SEMA5A: variants seen among roughly 807,000 people sequenced by gnomAD.
SEMA5A encodes semaphorin-5A.
A neutral mutation model predicts 135.5 loss-of-function variants in SEMA5A; 55 were observed. The ratio of observed to expected loss-of-function variants is 0.41; its 90% CI spans 0.33 to 0.51. The LOEUF is 0.51. SEMA5A is among the 20% of genes least tolerant of loss of function. SEMA5A has a pLI of 0.37. For missense variants in SEMA5A, 1,290 were observed against 1,419.9 expected (o/e 0.91, Z 1.47); for synonymous variants, 580 against 546.5 (o/e 1.06, Z -0.85).
chr5:9,393,982 G>A lies in SEMA5A; in HGVS notation c.-77-13959C>T, dbSNP rs535371701. Among the ~76,000 whole-genome samples, 179 of 152,126 alleles carry A rather than the reference G, an allele frequency of 1.2e-3. 1 individual carries two copies. Among genetic ancestry groups the A allele is most frequent in the Non-Finnish European group, 1.9e-3 (126 of 67,984 alleles). On this transcript the variant is annotated intron_variant, in intron 2 of 22. Transcript: ENST00000382496. Reference sequence around the variant, plus strand: ...CAAAGTAAATATTAGAAATAAGAACGTTGAGAGAAAAAAGAATAATATAGT... The same window carrying A: ...CAAAGTAAATATTAGAAATAAGAACATTGAGAGAAAAAAGAATAATATAGT...
intron 5 of SEMA5A, among the ~76,000 whole-genome samples, chr5:9,317,150 A>T: frequency 6.6e-6 from 1 of 152,182 alleles, no homozygotes; most frequent in Non-Finnish European, 1.5e-5. Flanking sequence ...TTACCACTCA[A>T]TTAGCTCAAT....
chr5:9,229,252 G>A (rs532000504), intron 6 of SEMA5A, among the ~76,000 whole-genome samples: 2 of 152,220 alleles, frequency 1.3e-5, no homozygotes, highest in African/African-American at 2.4e-5. Context: ...CCAAATGCTC[G>A]TAAACAGTAG....
At chr5:9,423,808 A>C (rs1757553604) in intron 2 of SEMA5A, among the ~76,000 whole-genome samples, 1 of 152,234 alleles carries the variant, frequency 6.6e-6, no homozygotes, top group South Asian at 2.1e-4. Flanking sequence ...ACAGCAGGTC[A>C]AAGAGCCTCT....
chr5:9,330,591 A>G (rs906172538), intron 4 of SEMA5A, among the ~76,000 whole-genome samples: 2 of 152,300 alleles, frequency 1.3e-5, no homozygotes, highest in East Asian at 3.9e-4. Context: ...ATTTTGAACA[A>G]ATGTCCTAGC....
chr5:9,212,374 G>A (rs966031629), intron 8 of SEMA5A, among the ~76,000 whole-genome samples: 1 of 152,152 alleles, frequency 6.6e-6, no homozygotes. Flanking sequence ...AGCTGTTAAG[G>A]TATTTCTCTA....
At chr5:9,251,646 A>G (rs915170183) in intron 5 of SEMA5A, among the ~76,000 whole-genome samples, 1 of 152,218 alleles carries the variant, frequency 6.6e-6, no homozygotes, top group Non-Finnish European at 1.5e-5. Flanking sequence ...TCTGGAGTGG[A>G]CACAATGTTT....
chr5:9,280,748 C>A, intron 5 of SEMA5A: 1 of 359,828 alleles, frequency 2.8e-6, no homozygotes, highest in Non-Finnish European at 5.6e-6. Flanking sequence ...GTTAACCAGG[C>A]TTGCTAAGAT....
In SEMA5A at chr5:9,460,486, A is replaced by G. The variant is rs532667253; in HGVS notation, c.-174-22634T>C. ...AAATCATATTTATGAATTAATTTAA[A>G]CATAATTAGTATAAGTATATTATTT... On this transcript the variant is annotated intron_variant, in intron 1 of 22. Coordinates refer to ENST00000382496, the MANE Select transcript of SEMA5A (RefSeq NM_003966.3). 2.8e-4 allele frequency among the ~76,000 whole-genome samples: 43 copies of G among 152,258 alleles called. No individual in the cohort carries two copies. The South Asian group carries it at 8.7e-3, about 31-fold the overall frequency.
At chr5:9,127,770 T>A (rs1237121085) in intron 13 of SEMA5A, among the ~76,000 whole-genome samples, 7 of 152,188 alleles carry the variant, frequency 4.6e-5, no homozygotes, top group Admixed American at 4.6e-4. Flanking sequence ...TCCAAGCCCC[T>A]TTGGTCTCCA....
intron 3 of SEMA5A, among the ~76,000 whole-genome samples, chr5:9,352,905 T>A (rs1021761347): frequency 6.6e-6 from 1 of 152,076 alleles, no homozygotes; most frequent in Non-Finnish European, 1.5e-5. Context: ...ATATTTACTA[T>A]CTTACCTTTT....
At chr5:9,194,466 C>T (rs1302107079) in intron 10 of SEMA5A, among the ~76,000 whole-genome samples, 1 of 152,118 alleles carries the variant, frequency 6.6e-6, no homozygotes. Context: ...AACCACTTTC[C>T]ATTGTTGGTT....
chr5:9,295,401 T>C (rs957952153), intron 5 of SEMA5A, among the ~76,000 whole-genome samples: 1 of 152,172 alleles, frequency 6.6e-6, no homozygotes, highest in Non-Finnish European at 1.5e-5. Context: ...GCAAACTCCA[T>C]CTACTTTTCA....
At chr5:9,201,884 A>T (rs1745725712) in intron 9 of SEMA5A, 71 bp downstream of exon 9, 2 of 1,413,054 alleles carry the variant, frequency 1.4e-6, no homozygotes, top group South Asian at 2.7e-5. Context: ...AAAACCTCAG[A>T]GGTCAAAGAA....
intron 4 of SEMA5A, among the ~76,000 whole-genome samples, chr5:9,319,557 A>T (rs1046153572): frequency 1.3e-5 from 2 of 152,212 alleles, no homozygotes; most frequent in Non-Finnish European, 2.9e-5. Context: ...CTCTAACTGA[A>T]ATCCTGGCAT....
At chr5:9,110,313 T>C (rs1176185982) in intron 15 of SEMA5A, among the ~76,000 whole-genome samples, 3 of 152,186 alleles carry the variant, frequency 2.0e-5, no homozygotes, top group Non-Finnish European at 2.9e-5. Context: ...GACTATTCTC[T>C]GGAGCCCCTG....
At chr5:9,435,644 C>G (rs1254597657) in intron 2 of SEMA5A, among the ~76,000 whole-genome samples, 3 of 152,168 alleles carry the variant, frequency 2.0e-5, no homozygotes, top group Admixed American at 6.5e-5. Flanking sequence ...GTGCAAGGAT[C>G]GTGTCAATCA....
chr5:9,390,475 T>C (rs1049710216), intron 2 of SEMA5A, among the ~76,000 whole-genome samples: 23 of 152,228 alleles, frequency 1.5e-4, no homozygotes, highest in Admixed American at 6.5e-4. Flanking sequence ...ACAAATACCT[T>C]AAAATATTAT....
intron 1 of SEMA5A, among the ~76,000 whole-genome samples, chr5:9,497,235 T>C (rs1735348910): frequency 6.6e-6 from 1 of 152,212 alleles, no homozygotes; most frequent in African/African-American, 2.4e-5. Flanking sequence ...CCAGCCTCTA[T>C]ATAGTCAGCA....
In SEMA5A at chr5:9,136,608, C is replaced by T. The variant is rs943475233; in HGVS notation, c.1495G>A (p.Ala499Thr). The T allele has an allele frequency of 2.5e-5, 41 of 1,613,506 alleles. No homozygotes were observed. Among genetic ancestry groups the T allele is most frequent in the Non-Finnish European group, 3.2e-5 (38 of 1,179,586 alleles). The change falls in exon 13 of 23, where the codon GCC becomes ACC. Residue 499 changes from alanine (A) to threonine (T), a missense_variant. Around this residue, in one of 3 missense-constraint regions of SEMA5A, gnomAD observed 1,029 missense variants for 1,086.6 expected, o/e 0.95. Transcript: ENST00000382496. The part of the protein sequence containing the change: ...FYRTRSTCIG[A>T]QDPYCGWDVV... ...TCCCAGCCACAGTAAGGGTCCTGGG[C>T]CCCAATGCAGGTGCTGGAAACACAC...
Sources: gnomAD v4.1 joint callset for allele counts (sites outside exome capture counted in the v4.1 genomes callset) on GRCh38, gnomAD v4.1.1 for gene constraint, gnomAD v4.1.1 regional missense constraint, MANE v1.5 for transcripts, NCBI Gene and HGNC (gene_info 2026-07-23, HGNC 2026-07-21) for gene names.